Variants in SLC26A7 observed in about 807,000 individuals in gnomAD.
The protein encoded by SLC26A7 is solute carrier family 26 member 7.
In SLC26A7, 59 loss-of-function variants were observed where a neutral mutation model predicts 82.5. The ratio of observed to expected loss-of-function variants is 0.72; its 90% confidence interval spans 0.58 to 0.89. The LOEUF is 0.89. SLC26A7 is among the 40% of genes least tolerant of loss of function. The probability of loss-of-function intolerance (pLI) is 0.00; values close to 1 mark genes in which losing one functional copy is unlikely to be tolerated. For synonymous variants in SLC26A7, 271 were observed against 274.3 expected (o/e 0.99, Z 0.12); for missense variants, 820 against 793.0 (o/e 1.03, Z -0.41).
At chr8:91,367,732 T>G (rs1407380953) in intron 14 of SLC26A7, among the ~76,000 whole-genome samples, 1 of 152,212 alleles carries the variant, frequency 6.6e-6, no homozygotes, top group Non-Finnish European at 1.5e-5. Context: ...ACATCTTAGT[T>G]AGCATTATTA....
chr8:91,338,480 A>T (rs1042410627), intron 7 of SLC26A7, among the ~76,000 whole-genome samples: 4 of 152,172 alleles, frequency 2.6e-5, no homozygotes, highest in African/African-American at 9.7e-5. Context: ...AAATATTTGC[A>T]AATATATTAT....
intron 2 of SLC26A7, among the ~76,000 whole-genome samples, chr8:91,282,581 T>C (rs1450429301): frequency 6.6e-6 from 1 of 152,172 alleles, no homozygotes; most frequent in African/African-American, 2.4e-5. Flanking sequence ...GATTGTGGCA[T>C]CAACTTTGAC....
At chr8:91,273,017 T>C (rs1046087859) in intron 2 of SLC26A7, among the ~76,000 whole-genome samples, 5 of 152,126 alleles carry the variant, frequency 3.3e-5, no homozygotes, top group African/African-American at 1.2e-4. Flanking sequence ...TTTAGATCAG[T>C]GTTTTATGTA....
In SLC26A7 at chr8:91,393,957, C is replaced by T. The variant is rs751876266; in HGVS notation, c.1853C>T (p.Thr618Met). 2.4e-5 allele frequency: 39 copies of T among 1,613,338 alleles called. No individual in the cohort carries two copies. Among genetic ancestry groups the T allele is most frequent in the South Asian group, 1.3e-4 (12 of 91,070 alleles). The change falls in exon 18 of 19, where the codon ACG (threonine) becomes ATG (methionine). Residue 618 changes from threonine to methionine, a missense_variant. Thr to Met is a moderately conservative substitution (Grantham distance 81). Transcript: ENST00000276609. ...HCTASLIKAM[T>M]YYGNLDSEKP... ...GAAGCTTCCTTGATAAAAGCAATGA[C>T]GTATTATGGAAACCTAGACTCAGAG...
At chr8:91,309,722 C>T (rs1223063612) in intron 4 of SLC26A7, among the ~76,000 whole-genome samples, 2 of 152,056 alleles carry the variant, frequency 1.3e-5, no homozygotes, top group Admixed American at 6.6e-5. Flanking sequence ...AACTGAGAGA[C>T]CAAGTGCACT....
At chr8:91,291,043 G>GTA (rs1811853534) in intron 3 of SLC26A7, among the ~76,000 whole-genome samples, 2 of 151,950 alleles carry the variant, frequency 1.3e-5, no homozygotes, top group Admixed American at 1.3e-4. Context: ...AGGTAATATA[G>GTA]TATATATATG....
At chr8:91,241,884 C>A (rs1563640109) in intron 2 of SLC26A7, among the ~76,000 whole-genome samples, 1 of 152,128 alleles carries the variant, frequency 6.6e-6, no homozygotes, top group Non-Finnish European at 1.5e-5. Context: ...TCTTTTGGTA[C>A]TATTTCAACT....
intron 2 of SLC26A7, chr8:91,219,078 G>C: frequency 1.5e-6 from 1 of 652,790 alleles, no homozygotes; most frequent in Non-Finnish European, 2.6e-6. Flanking sequence ...CCCTACTTAA[G>C]ATACCATGCC....
At chr8:91,365,216 G>A (rs957202363) in intron 13 of SLC26A7, among the ~76,000 whole-genome samples, 3 of 150,896 alleles carry the variant, frequency 2.0e-5, no homozygotes, top group East Asian at 1.9e-4. Context: ...TGTAGTGCAG[G>A]GTTGTCCAAT....
intron 16 of SLC26A7, among the ~76,000 whole-genome samples, chr8:91,389,792 G>C (rs886835353): frequency 6.6e-6 from 1 of 152,214 alleles, no homozygotes; most frequent in African/African-American, 2.4e-5. Flanking sequence ...GGCTGCATAA[G>C]TAAGTGCCTT....
At chr8:91,233,552 G>A (rs1208635006) in intron 2 of SLC26A7, among the ~76,000 whole-genome samples, 1 of 151,538 alleles carries the variant, frequency 6.6e-6, no homozygotes, top group African/African-American at 2.4e-5. Flanking sequence ...GGGCAACAGA[G>A]CGGGATTCTG....
chr8:91,327,323 C>T (rs2130820790), intron 5 of SLC26A7, among the ~76,000 whole-genome samples: 1 of 152,202 alleles, frequency 6.6e-6, no homozygotes, highest in Admixed American at 6.5e-5. Context: ...CCACTGAGCG[C>T]TCTGTGTTGT....
At chr8:91,344,191 C>T (rs1813497927) in intron 9 of SLC26A7, 1 of 985,212 alleles carries the variant, frequency 1.0e-6, no homozygotes, top group Non-Finnish European at 1.2e-6. Flanking sequence ...ATGATCTAGG[C>T]AACCTTAAGA....
chr8:91,318,348 C>A lies in SLC26A7; in HGVS notation c.610C>A (p.Pro204Thr). Residue 204 changes from proline to threonine, a missense_variant, in exon 5 of 19, where the codon CCA (proline) becomes ACA (threonine). Transcript: ENST00000276609. ...QVKYLLGMKM[P>T]YISGPLGFFY... is the part of the protein sequence containing the mutation. ...CAAATATCTCTTGGGAATGAAAATG[C>A]CATATATATCCGGACCACTTGGATT... The A allele has an allele frequency of 6.2e-7, 1 of 1,610,186 alleles. No individual in the cohort carries two copies. The highest frequency in any genetic ancestry group is 8.5e-7 in the Non-Finnish European group (1 of 1,178,028).
At position 91,338,232 on chromosome 8, in the gene SLC26A7, G is replaced by T; in HGVS notation, c.878G>T (p.Gly293Val). 6.3e-7 allele frequency: 1 copy of T among 1,593,304 alleles called. No individual in the cohort carries two copies. The highest frequency in any genetic ancestry group is 1.8e-5 in the Admixed American group (1 of 56,232). Residue 293 changes from glycine to valine, a missense_variant and splice_region_variant, in exon 7 of 19, where the codon GGA becomes GTA. Gly to Val is a moderately radical substitution (Grantham distance 109). Coordinates refer to ENST00000276609, the MANE Select transcript of SLC26A7 (RefSeq NM_052832.4). ...GLEVVGHIPQ[G>V]IPSPRAPPMN... The stretch of plus-strand genomic sequence containing the variant: ...GAAGTAGTTGGTCATATTCCACAAG[G>T]GTAATGTAGTCCTTTTTAAAAACAT...
chr8:91,357,179 T>C (rs1287272397), intron 11 of SLC26A7: 1 of 152,204 alleles, frequency 6.6e-6, no homozygotes, highest in African/African-American at 2.4e-5. Flanking sequence ...TTAGAAGCTG[T>C]TGCCCCTAAA....
At chr8:91,277,641 A>G (rs1158090150) in intron 2 of SLC26A7, among the ~76,000 whole-genome samples, 10 of 152,182 alleles carry the variant, frequency 6.6e-5, no homozygotes, top group African/African-American at 1.9e-4. Context: ...CATTATCAAT[A>G]AACTTGTTAA....
intron 2 of SLC26A7, among the ~76,000 whole-genome samples, chr8:91,252,780 C>T (rs1810695277): frequency 6.6e-6 from 1 of 151,890 alleles, no homozygotes; most frequent in African/African-American, 2.4e-5. Context: ...TAGGTGTTGC[C>T]CTGTGATTAT....
chr8:91,324,520 A>G (rs149239731), intron 5 of SLC26A7, among the ~76,000 whole-genome samples: 4 of 152,338 alleles, frequency 2.6e-5, no homozygotes, highest in African/African-American at 7.2e-5. Flanking sequence ...CAAGCTACAC[A>G]TGAGTAGGAA....
Sources: allele counts gnomAD v4.1 joint callset (sites outside exome capture counted in the v4.1 genomes callset), GRCh38; gene constraint gnomAD v4.1.1; transcripts MANE v1.5; gene names NCBI Gene and HGNC (gene_info 2026-07-23, HGNC 2026-07-21).